Variants in RWDD2B observed in about 807,000 individuals in gnomAD.
RWDD2B encodes the protein RWD domain containing 2B, also known as RWD domain-containing protein 2B.
RWDD2B carries 36 observed loss-of-function variants against 33.6 expected under a neutral mutation model. That is an observed-to-expected ratio of 1.07 (90% CI 0.82 to 1.42). The LOEUF (loss-of-function observed/expected upper bound fraction) is 1.42, where lower values mean the gene tolerates loss of function less well. Ranked by LOEUF, RWDD2B falls within the 40% of genes most tolerant of loss-of-function variation. The pLI is 0.00. For synonymous variants in RWDD2B, 126 were observed against 133.1 expected (o/e 0.95, Z 0.37); for missense variants, 364 against 377.5 (o/e 0.96, Z 0.30).
intron 1 of RWDD2B, among the ~76,000 whole-genome samples, chr21:29,013,004 A>C (rs1290710430): frequency 6.7e-6 from 1 of 148,316 alleles, no homozygotes. Flanking sequence ...TGGATTCTCC[A>C]TTTTGTTATA....
chr21:29,019,248 C>A lies in RWDD2B; in HGVS notation c.30G>T (p.Trp10Cys). The A allele has an allele frequency of 6.2e-7, 1 of 1,606,198 alleles. No homozygotes were observed. MKIELSMQP[W>C]NPGYSSEGAT... ...CCCCCTCACTGCTGTAACCCGGGTT[C>A]CATGGCTGCATGGACAGCTCAATTT... The change falls in exon 1 of 5, where the codon TGG (tryptophan) becomes TGT (cysteine). Residue 10 changes from tryptophan to cysteine, a missense_variant. Transcript: ENST00000493196.
chr21:29,012,248 G>C (rs1250366107), intron 1 of RWDD2B, among the ~76,000 whole-genome samples: 1 of 151,656 alleles, frequency 6.6e-6, no homozygotes, highest in South Asian at 2.1e-4. Context: ...CCCTCTGCCC[G>C]GCCACCACCC....
intron 1 of RWDD2B, among the ~76,000 whole-genome samples, chr21:29,012,741 T>A (rs1386934579): frequency 6.6e-6 from 1 of 151,516 alleles, no homozygotes; most frequent in Non-Finnish European, 1.5e-5. Flanking sequence ...CCAATCCCCC[T>A]CTGCGAGAAA....
At chr21:29,013,798 T>C (rs1337327483) in intron 1 of RWDD2B, among the ~76,000 whole-genome samples, 1 of 152,020 alleles carries the variant, frequency 6.6e-6, no homozygotes, top group Non-Finnish European at 1.5e-5. Flanking sequence ...TGAGGTATAA[T>C]TTATATGCCA....
At chr21:29,015,830 C>T (rs1426018405) in intron 1 of RWDD2B, among the ~76,000 whole-genome samples, 1 of 152,080 alleles carries the variant, frequency 6.6e-6, no homozygotes, top group Non-Finnish European at 1.5e-5. Flanking sequence ...CATGCCCAGC[C>T]CCATATGGTT....
In RWDD2B at chr21:29,014,775, A is replaced by G. The variant is rs1023627458; in HGVS notation, c.67+4436T>C. ...GGCAGAGCTTTCAGTGAGCCGAGAT[A>G]CAGCCACTGCACTCCAGCCTGGGCG... is the stretch of plus-strand genomic sequence containing the variant. On this transcript the variant is annotated intron_variant, in intron 1 of 4. Coordinates refer to ENST00000493196, the MANE Select transcript of RWDD2B (RefSeq NM_016940.3). Among the ~76,000 whole-genome samples, 6 of 152,312 alleles carry G rather than the reference A, an allele frequency of 3.9e-5. 1 individual carries two copies. Among genetic ancestry groups the G allele is most frequent in the African/African-American group, 1.4e-4 (6 of 41,580 alleles).
chr21:29,008,147 A>T lies in RWDD2B; in HGVS notation c.363-24T>A, dbSNP rs535049152. 3.3e-5 allele frequency: 53 copies of T among 1,610,570 alleles called. 1 individual carries two copies. In the South Asian group the frequency reaches 5.6e-4, roughly 17 times the overall value. On this transcript the variant is annotated intron_variant, in intron 3 of 4. Transcript: ENST00000493196. ...ATCTAATAGAAAAGATACAAGAAAA[A>T]TATTGTCTTGGAACAGAAAACAAAT...
rs60033936 is a variant in RWDD2B, at chr21:29,016,630, A to G, written c.67+2581T>C. On this transcript the variant is annotated intron_variant, in intron 1 of 4. Coordinates refer to ENST00000493196, the MANE Select transcript of RWDD2B (RefSeq NM_016940.3). ...CTGGACTTATTGGAATTCCATATAC[A>G]TATTTGCTGGTCTGTTTTGGAGTTG... Among the ~76,000 whole-genome samples, 439 of 152,060 alleles carry G rather than the reference A, an allele frequency of 2.9e-3. 1 individual carries two copies. The highest frequency in any genetic ancestry group is 0.01 in the African/African-American group (423 of 41,462).
Position 29,007,991 on chromosome 21 carries a change from A to T in RWDD2B, c.495T>A (p.Tyr165Ter). The change falls in exon 4 of 5, where the codon TAT becomes TAA. Residue 165 changes from tyrosine (Y) to a stop codon, truncating the protein, a stop_gained. Coordinates refer to ENST00000493196, the MANE Select transcript of RWDD2B (RefSeq NM_016940.3). LOFTEE classifies it high-confidence loss of function. ...GTGAAGATGAAGTATCTCTGCTGAC[A>T]TAGCCAGAGGCGTGTTCTCTAACCC... ...TEWVREHASG[Y>*]VSRDTSSSPT... is the part of the protein sequence containing the mutation. 1 of 1,614,248 alleles carries T rather than the reference A, an allele frequency of 6.2e-7. No individual in the cohort carries two copies. Among genetic ancestry groups the T allele is most frequent in the Non-Finnish European group, 8.5e-7 (1 of 1,180,044 alleles).
In RWDD2B at chr21:29,008,267, G is replaced by A. The variant is rs200253436; in HGVS notation, c.335C>T (p.Pro112Leu). 1.0e-4 allele frequency: 163 copies of A among 1,614,156 alleles called. 1 individual carries two copies. In the East Asian group the frequency reaches 2.4e-3, roughly 23 times the overall value. Residue 112 changes from proline (P) to leucine (L), a missense_variant, in exon 3 of 5, where the codon CCG becomes CTG. Transcript: ENST00000493196. Reference sequence around the variant, plus strand: ...GACAGTAATTTCAGGCAGAACTGCCGGGTATTTAAAGGGAAGAATACAGGC... The same window carrying A: ...GACAGTAATTTCAGGCAGAACTGCCAGGTATTTAAAGGGAAGAATACAGGC... ...SLACILPFKY[P>L]AVLPEITVRS...
chr21:29,011,597 C>G (rs2084860455), intron 1 of RWDD2B, among the ~76,000 whole-genome samples: 1 of 134,692 alleles, frequency 7.4e-6, no homozygotes, highest in Non-Finnish European at 1.6e-5. Context: ...TGGGGGGGGT[C>G]AGCCCCCCAC....
chr21:29,016,295 G>GCT (rs1452239055), intron 1 of RWDD2B, among the ~76,000 whole-genome samples: 1 of 150,796 alleles, frequency 6.6e-6, no homozygotes, highest in Non-Finnish European at 1.5e-5. Context: ...ACGGAGTTTC[G>GCT]CTCTTGTTGC....
At position 29,006,482 on chromosome 21, in the gene RWDD2B, G is replaced by C. The variant is rs1200695334; in HGVS notation, c.895C>G (p.Gln299Glu). 1 of 1,613,988 alleles carries C rather than the reference G, an allele frequency of 6.2e-7. No homozygotes were observed. Among genetic ancestry groups the C allele is most frequent in the Non-Finnish European group, 8.5e-7 (1 of 1,179,992 alleles). Residue 299 changes from glutamine (Q) to glutamate (E), a missense_variant, in exon 5 of 5, where the codon CAG becomes GAG. By Grantham distance (29) the Gln-to-Glu change is conservative. Transcript: ENST00000493196. ...GNHMDFGQLYQFLNTKGCGDV... is the reference protein window; with the variant it reads ...GNHMDFGQLYEFLNTKGCGDV... ...CCACATCCTTTGGTGTTTAAGAACT[G>C]ATAGAGCTGACCAAAGTCCATGTGG... is the stretch of plus-strand genomic sequence containing the variant.
At chr21:29,018,056 GAA>G (rs1318149278) in intron 1 of RWDD2B, among the ~76,000 whole-genome samples, 4 of 152,196 alleles carry the variant, frequency 2.6e-5, no homozygotes, top group Admixed American at 1.3e-4. Context: ...CTGCTATGGA[GAA>G]AAGTGAAAGG....
Position 29,008,142 on chromosome 21 carries a change from G to C in RWDD2B, c.363-19C>G. The C allele has an allele frequency of 6.2e-7, 1 of 1,610,036 alleles. No homozygotes were observed. The highest frequency in any genetic ancestry group is 1.7e-5 in the Admixed American group (1 of 59,178). On this transcript the variant is annotated intron_variant, in intron 3 of 4. Coordinates refer to ENST00000493196, the MANE Select transcript of RWDD2B (RefSeq NM_016940.3). ...TACTGATCTAATAGAAAAGATACAA[G>C]AAAAATATTGTCTTGGAACAGAAAA... is the stretch of plus-strand genomic sequence containing the variant.
intron 1 of RWDD2B, among the ~76,000 whole-genome samples, chr21:29,011,689 C>T (rs1483432894): frequency 8.7e-5 from 10 of 114,402 alleles, no homozygotes; most frequent in East Asian, 2.6e-4. Flanking sequence ...AGGTGAGGGG[C>T]GCCTCTGCCC....
chr21:29,008,966 T>C (rs1420190646), intron 1 of RWDD2B, among the ~76,000 whole-genome samples: 1 of 152,234 alleles, frequency 6.6e-6, no homozygotes, highest in Non-Finnish European at 1.5e-5. Flanking sequence ...CAAAAAGCTG[T>C]ATCAATAATG....
chr21:29,010,963 C>G (rs567185992), intron 1 of RWDD2B, among the ~76,000 whole-genome samples: 1 of 152,354 alleles, frequency 6.6e-6, no homozygotes, highest in South Asian at 2.1e-4. Flanking sequence ...GTCTGGTTCA[C>G]TCAGTGCTCA....
chr21:29,007,414 C>T (rs1006983322), intron 4 of RWDD2B, among the ~76,000 whole-genome samples: 2 of 152,208 alleles, frequency 1.3e-5, no homozygotes, highest in Non-Finnish European at 2.9e-5. Flanking sequence ...TGTTGCTTAA[C>T]AACGGGGATA....
Sources: allele counts gnomAD v4.1 joint callset (sites outside exome capture counted in the v4.1 genomes callset), GRCh38; gene constraint gnomAD v4.1.1; transcripts MANE v1.5; gene names NCBI Gene and HGNC (gene_info 2026-07-23, HGNC 2026-07-21).